UNC5C: variants seen among roughly 807,000 people sequenced by gnomAD.
UNC5C encodes netrin receptor UNC5C.
A neutral mutation model predicts 99.8 loss-of-function variants in UNC5C; 47 were observed. The observed-to-expected ratio is 0.47, with a 90% confidence interval of 0.37 to 0.60. The LOEUF (loss-of-function observed/expected upper bound fraction) is 0.60, where lower values mean the gene tolerates loss of function less well. UNC5C is among the 20% of genes least tolerant of loss of function. The probability of loss-of-function intolerance (pLI) is 0.00; values close to 1 mark genes in which losing one functional copy is unlikely to be tolerated. For synonymous variants in UNC5C, 487 were observed against 452.2 expected, an observed-to-expected ratio of 1.08 and a Z score of -0.98; for missense variants, 1,062 against 1,165.9, an observed-to-expected ratio of 0.91 and a Z score of 1.30.
At chr4:95,421,880 G>A (rs1016189022) in intron 1 of UNC5C, among the ~76,000 whole-genome samples, 1 of 151,734 alleles carries the variant, frequency 6.6e-6, no homozygotes, top group African/African-American at 2.4e-5. Context: ...CTTTATTATC[G>A]AAGACTTAGC....
intron 1 of UNC5C, among the ~76,000 whole-genome samples, chr4:95,456,801 C>T (rs934228913): frequency 3.3e-5 from 5 of 152,068 alleles, no homozygotes; most frequent in Non-Finnish European, 7.4e-5. Flanking sequence ...TATACAAATA[C>T]TATTAAAAGA....
chr4:95,206,903 T>C, intron 10 of UNC5C, 107 bp from the exon 11 acceptor site: 4 of 255,950 alleles, frequency 1.6e-5, no homozygotes, highest in Non-Finnish European at 2.0e-5. Context: ...CCTGGAATTC[T>C]TTTTTTTTTT....
At chr4:95,459,557 T>C (rs1345775962) in intron 1 of UNC5C, among the ~76,000 whole-genome samples, 3 of 152,178 alleles carry the variant, frequency 2.0e-5, no homozygotes, top group African/African-American at 7.2e-5. Flanking sequence ...ATGCAATCAA[T>C]GTATACAATA....
intron 1 of UNC5C, among the ~76,000 whole-genome samples, chr4:95,395,085 G>C (rs529249163): frequency 1.6e-4 from 24 of 152,148 alleles, no homozygotes; most frequent in Non-Finnish European, 2.9e-4. Context: ...AAATGATATG[G>C]TGGAGCTCTC....
chr4:95,271,550 T>C (rs917807548), intron 4 of UNC5C, among the ~76,000 whole-genome samples: 1 of 152,202 alleles, frequency 6.6e-6, no homozygotes, highest in African/African-American at 2.4e-5. Context: ...TTATTAACCA[T>C]TGATCTTAGG....
chr4:95,180,893 C>T (rs1736584848), intron 14 of UNC5C, among the ~76,000 whole-genome samples: 1 of 152,166 alleles, frequency 6.6e-6, no homozygotes, highest in Non-Finnish European at 1.5e-5. Flanking sequence ...CTTTTCTCTA[C>T]TTGTTTATGG....
chr4:95,533,430 T>A (rs1402852820), intron 1 of UNC5C, among the ~76,000 whole-genome samples: 1 of 151,596 alleles, frequency 6.6e-6, no homozygotes, highest in African/African-American at 2.4e-5. Context: ...ATAATATGAA[T>A]AATATTATTT....
intron 1 of UNC5C, among the ~76,000 whole-genome samples, chr4:95,465,370 A>C (rs2149472473): frequency 6.6e-6 from 1 of 152,288 alleles, no homozygotes; most frequent in Middle Eastern, 3.4e-3. Context: ...TGAAGTGGAA[A>C]ATTATCCAAA....
chr4:95,242,080 C>T (rs369470287), intron 7 of UNC5C, among the ~76,000 whole-genome samples: 21 of 152,210 alleles, frequency 1.4e-4, no homozygotes, highest in African/African-American at 2.9e-4. Context: ...TAAGAATAAA[C>T]GGCTTACATT....
chr4:95,516,778 G>T (rs115270726), intron 1 of UNC5C, among the ~76,000 whole-genome samples: 4 of 152,200 alleles, frequency 2.6e-5, no homozygotes, highest in Non-Finnish European at 4.4e-5. Context: ...TATCATCTTG[G>T]AGAGCCAAGC....
chr4:95,379,580 A>C (rs923339247), intron 1 of UNC5C, among the ~76,000 whole-genome samples: 1 of 152,152 alleles, frequency 6.6e-6, no homozygotes, highest in South Asian at 2.1e-4. Flanking sequence ...GTGAGCTTTC[A>C]AAGTGTTTTT....
At chr4:95,232,793 T>C (rs776415438) in intron 7 of UNC5C, among the ~76,000 whole-genome samples, 4 of 152,272 alleles carry the variant, frequency 2.6e-5, no homozygotes, top group African/African-American at 4.8e-5. Context: ...CTGTGTAGCA[T>C]TGTGTTGGGC....
At chr4:95,289,021 C>CGTAGTT (rs1741346849) in intron 3 of UNC5C, among the ~76,000 whole-genome samples, 1 of 152,156 alleles carries the variant, frequency 6.6e-6, no homozygotes, top group African/African-American at 2.4e-5. Context: ...ATAGTTTAAT[C>CGTAGTT]CTAGTTCTGT....
chr4:95,303,404 T>C (rs1741945664), intron 2 of UNC5C, among the ~76,000 whole-genome samples: 1 of 152,202 alleles, frequency 6.6e-6, no homozygotes. Flanking sequence ...CCCCAGGCAC[T>C]GTGGCTCACG....
chr4:95,544,610 A>T (rs1723010882), intron 1 of UNC5C, among the ~76,000 whole-genome samples: 1 of 152,200 alleles, frequency 6.6e-6, no homozygotes, highest in Non-Finnish European at 1.5e-5. Context: ...TCCGTTTCTA[A>T]CAAATAGCAT....
chr4:95,441,456 A>G (rs1746947934), intron 1 of UNC5C, among the ~76,000 whole-genome samples: 1 of 152,244 alleles, frequency 6.6e-6, no homozygotes, highest in South Asian at 2.1e-4. Flanking sequence ...AGTGAAAAAT[A>G]TGCCCAGGTT....
At chr4:95,304,770 T>G (rs117297071) in intron 2 of UNC5C, among the ~76,000 whole-genome samples, 1 of 152,224 alleles carries the variant, frequency 6.6e-6, no homozygotes, top group Admixed American at 6.5e-5. Context: ...CTTTATACGA[T>G]GCAGAGCAGC....
At chr4:95,532,596 G>T (rs1346774479) in intron 1 of UNC5C, among the ~76,000 whole-genome samples, 1 of 152,166 alleles carries the variant, frequency 6.6e-6, no homozygotes, top group East Asian at 1.9e-4. Context: ...GAGTGCTCCT[G>T]TGAGATGGGA....
chr4:95,518,309 C>G (rs1212948673), intron 1 of UNC5C, among the ~76,000 whole-genome samples: 1 of 152,086 alleles, frequency 6.6e-6, no homozygotes, highest in East Asian at 1.9e-4. Context: ...GATCCTTGTT[C>G]CCTTTCTTCT....
Sources: gnomAD v4.1 joint callset for allele counts (sites outside exome capture counted in the v4.1 genomes callset) on GRCh38, gnomAD v4.1.1 for gene constraint, MANE v1.5 for transcripts, NCBI Gene and HGNC (gene_info 2026-07-23, HGNC 2026-07-21) for gene names.